SPAG17: variants seen among roughly 807,000 people sequenced by gnomAD.
SPAG17 encodes the protein sperm associated antigen 17.
A neutral mutation model predicts 273.6 loss-of-function variants in SPAG17; 169 were observed. That is an observed-to-expected ratio of 0.62 (90% CI 0.55 to 0.70). The LOEUF is 0.70. SPAG17 is among the 30% of genes least tolerant of loss of function. SPAG17 has a pLI of 0.00. For synonymous variants in SPAG17, 825 were observed against 873.2 expected, an observed-to-expected ratio of 0.94 and a Z score of 0.97; for missense variants, 2,557 against 2,627.8, an observed-to-expected ratio of 0.97 and a Z score of 0.59.
rs755490438 is a variant in SPAG17 at position 118,016,125 on chromosome 1, G to T, written c.4127C>A (p.Pro1376His). 4.3e-6 allele frequency: 7 copies of T among 1,613,924 alleles called. No homozygotes were observed. The highest frequency in any genetic ancestry group is 5.1e-6 in the Non-Finnish European group (6 of 1,179,944). ...MAHKGEIHDP[P>H]PEAVQTVTPV... ...AGTTACAGTTTGAACTGCCTCTGGA[G>T]GAGGGTCATGGATTTCACCCTTATG... Residue 1376 changes from proline to histidine, a missense_variant, in exon 29 of 49, where the codon CCT becomes CAT. By Grantham distance (77) the Pro-to-His change is moderately conservative. Transcript: ENST00000336338.
At position 117,973,366 on chromosome 1, in the gene SPAG17, T is replaced by A. The variant is rs570552911; in HGVS notation, c.6141+59A>T. On this transcript the variant is annotated intron_variant, in intron 44 of 48. Coordinates refer to ENST00000336338, the MANE Select transcript of SPAG17 (RefSeq NM_206996.4). ...GAGCAGGATTGAAAAAAATAAAAAATAAAGAATTCCATCAAATGCTGATTG... is the reference window on the plus strand; with the variant it reads ...GAGCAGGATTGAAAAAAATAAAAAAAAAAGAATTCCATCAAATGCTGATTG... The A allele has an allele frequency of 8.3e-5, 124 of 1,498,886 alleles. 1 individual carries two copies. The South Asian group carries it at 1.8e-3, about 22-fold the overall frequency. 92.8% of individuals were successfully genotyped at this position (1,498,886 alleles called of 1,614,324 possible). A position where few individuals can be genotyped will look rare whatever the true frequency, so the allele number is the denominator to read the frequency against.
intron 30 of SPAG17, 52 bp from the exon 31 acceptor site, chr1:118,008,250 A>C: frequency 6.3e-7 from 1 of 1,593,858 alleles, no homozygotes; most frequent in Non-Finnish European, 8.6e-7. Context: ...ACATTGCAAA[A>C]CAGACCTCAG....
rs1032981913 is a variant in SPAG17, at chr1:118,025,412, T to C, written c.3735A>G (p.Gln1245=). 1.9e-6 allele frequency: 3 copies of C among 1,540,428 alleles called. No individual in the cohort carries two copies. Among genetic ancestry groups the C allele is most frequent in the South Asian group, 2.5e-5 (2 of 79,344 alleles). The change falls in exon 27 of 49, where the codon CAA becomes CAG. Residue 1245 remains glutamine, a synonymous_variant. Transcript: ENST00000336338. ...AGGTGGGTTCCTCATCTATAACATA[T>C]TGACCTAAAAAAAGAATAAAGCCTT... ...LTFIGQESTG[Q]YVIDEEPTWD... is the part of the protein sequence containing the mutation.
At chr1:118,063,841 C>T (rs1393355643) in intron 18 of SPAG17, among the ~76,000 whole-genome samples, 2 of 152,094 alleles carry the variant, frequency 1.3e-5, no homozygotes, top group Non-Finnish European at 2.9e-5. Context: ...ACTCATCTGA[C>T]AAAGGGCTAA....
At chr1:118,120,103 A>T (rs1429516188) in intron 3 of SPAG17, among the ~76,000 whole-genome samples, 1 of 152,172 alleles carries the variant, frequency 6.6e-6, no homozygotes, top group Non-Finnish European at 1.5e-5. Context: ...CCAAAACTGT[A>T]TGAAAGGGTC....
At chr1:118,039,509 A>T in intron 22 of SPAG17, 65 bp from the exon 23 acceptor site, 1 of 1,505,518 alleles carries the variant, frequency 6.6e-7, no homozygotes, top group South Asian at 1.2e-5. Flanking sequence ...CCTCGACAAG[A>T]TGGTTACACA....
In SPAG17 at chr1:118,028,525, C is replaced by T. The variant is rs143719643; in HGVS notation, c.3610-131G>A. On this transcript the variant is annotated intron_variant, in intron 25 of 48. Transcript: ENST00000336338. ...CAGAGCTAGGTGGCCCCTGCAAGGA[C>T]GCAGGAGTCTCTGTGGTTTTGCAAT... 44 of 1,070,108 alleles carry T rather than the reference C, an allele frequency of 4.1e-5. 1 individual carries two copies. In the East Asian group the frequency reaches 4.8e-4, roughly 12 times the overall value. 66.3% of individuals were successfully genotyped at this position (1,070,108 alleles called of 1,614,324 possible).
In SPAG17 at chr1:118,164,772, A is replaced by C. The variant is rs150140215; in HGVS notation, c.88-13403T>G. 4.6e-3 allele frequency among the ~76,000 whole-genome samples: 694 copies of C among 152,286 alleles called. 3 individuals are homozygous for C. The highest frequency in any genetic ancestry group is 7.5e-3 in the Non-Finnish European group (512 of 68,026). On this transcript the variant is annotated intron_variant, in intron 1 of 48. Coordinates refer to ENST00000336338, the MANE Select transcript of SPAG17 (RefSeq NM_206996.4). ...AACATATTTCTAACACCATATCTTC[A>C]TTACTTTTCTAAACTCTTACTGCTC... is the stretch of plus-strand genomic sequence containing the variant.
intron 3 of SPAG17, among the ~76,000 whole-genome samples, chr1:118,126,359 C>T (rs1236568508): frequency 2.0e-5 from 3 of 151,396 alleles, no homozygotes; most frequent in Non-Finnish European, 4.4e-5. Flanking sequence ...GCGCCCGCCA[C>T]TACACCCAGC....
chr1:117,974,701 C>T (rs1019812941), intron 43 of SPAG17, among the ~76,000 whole-genome samples: 5 of 152,098 alleles, frequency 3.3e-5, no homozygotes, highest in African/African-American at 1.2e-4. Flanking sequence ...GTAGGAAATC[C>T]ATGCAGCAGT....
chr1:118,113,039 A>G (rs1470100668), intron 4 of SPAG17, among the ~76,000 whole-genome samples: 1 of 152,108 alleles, frequency 6.6e-6, no homozygotes, highest in Non-Finnish European at 1.5e-5. Context: ...CCTCACTTTC[A>G]CCCAAGATTT....
intron 1 of SPAG17, among the ~76,000 whole-genome samples, chr1:118,162,183 A>G (rs1490176480): frequency 6.6e-6 from 1 of 152,200 alleles, no homozygotes; most frequent in African/African-American, 2.4e-5. Context: ...GAATCTATTT[A>G]TTGGATACGT....
chr1:117,989,403 G>C (rs1217927827), intron 38 of SPAG17, among the ~76,000 whole-genome samples: 1 of 151,914 alleles, frequency 6.6e-6, no homozygotes, highest in African/African-American at 2.4e-5. Flanking sequence ...AACAGAGAGA[G>C]GGGTGATGCC....
intron 46 of SPAG17, 44 bp downstream of exon 46, chr1:117,970,012 T>TG (rs1282414573): frequency 6.3e-7 from 1 of 1,579,756 alleles, no homozygotes; most frequent in Non-Finnish European, 8.7e-7. Flanking sequence ...CATAGTCACT[T>TG]GCATGCACGC....
In SPAG17 at chr1:118,115,365, A is replaced by C; in HGVS notation, c.392T>G (p.Phe131Cys). The C allele has an allele frequency of 6.2e-7, 1 of 1,613,844 alleles. No individual in the cohort carries two copies. The highest frequency in any genetic ancestry group is 1.7e-5 in the Admixed American group (1 of 60,006). Residue 131 changes from phenylalanine (F) to cysteine (C), a missense_variant, in exon 4 of 49, where the codon TTT becomes TGT. Physicochemically the swap from Phe to Cys is radical, Grantham distance 205. Coordinates refer to ENST00000336338, the MANE Select transcript of SPAG17 (RefSeq NM_206996.4). ...TLPLIGKLLK[F>C]QLLQIKFKDQ... The stretch of plus-strand genomic sequence containing the variant: ...CTTAAATTTAATCTGGAGAAGTTGA[A>C]ATTTCAAGAGTTTCCCTATCAGTGG...
intron 32 of SPAG17, among the ~76,000 whole-genome samples, chr1:118,004,593 C>T (rs139681763): frequency 6.2e-4 from 94 of 152,372 alleles, no homozygotes; most frequent in African/African-American, 2.1e-3. Flanking sequence ...GTCAGCAAGG[C>T]TCCTTGGGCG....
At chr1:118,178,226 C>T (rs1428991853) in intron 1 of SPAG17, among the ~76,000 whole-genome samples, 1 of 152,032 alleles carries the variant, frequency 6.6e-6, no homozygotes, top group Non-Finnish European at 1.5e-5. Context: ...TTCAACAACA[C>T]ATTAAAAAGA....
At chr1:118,019,480 A>G (rs1403932406) in intron 28 of SPAG17, among the ~76,000 whole-genome samples, 1 of 152,128 alleles carries the variant, frequency 6.6e-6, no homozygotes, top group Non-Finnish European at 1.5e-5. Flanking sequence ...AAAAATAAAT[A>G]AAAGTTCAAG....
At chr1:118,124,304 G>A (rs1452867668) in intron 3 of SPAG17, among the ~76,000 whole-genome samples, 4 of 152,060 alleles carry the variant, frequency 2.6e-5, no homozygotes, top group Non-Finnish European at 5.9e-5. Flanking sequence ...CTTCCCTTCT[G>A]AACAACCCTA....
Sources: gnomAD v4.1 joint callset for allele counts (sites outside exome capture counted in the v4.1 genomes callset) on GRCh38, gnomAD v4.1.1 for gene constraint, MANE v1.5 for transcripts, NCBI Gene and HGNC (gene_info 2026-07-23, HGNC 2026-07-21) for gene names.